Variants in TBC1D10B observed in about 807,000 individuals in gnomAD.
The protein encoded by TBC1D10B is Rab27A-GAPbeta.
TBC1D10B carries 25 observed loss-of-function variants against 78.4 expected under a neutral mutation model. That is an observed-to-expected ratio of 0.32 (90% confidence interval 0.23 to 0.45). TBC1D10B has a LOEUF of 0.45. TBC1D10B is among the 20% of genes least tolerant of loss of function. The pLI is 1.00. For synonymous variants in TBC1D10B, 517 were observed against 478.0 expected (o/e 1.08, Z -1.06); for missense variants, 996 against 1,104.8 (o/e 0.90, Z 1.40).
At position 30,370,437 on chromosome 16, in the gene TBC1D10B, G is replaced by A. The variant is rs975331637; in HGVS notation, c.-254C>T. On this transcript the variant is annotated 5_prime_UTR_variant, in exon 1 of 9. Transcript: ENST00000409939. ...CGCCCCCTCCCTCCTGCTTGGGGGC[G>A]AGCCGCCGACCTCGCGCCTGCGCAC... Among the ~76,000 whole-genome samples, 7 of 151,974 alleles carry A rather than the reference G, an allele frequency of 4.6e-5. No homozygotes were observed. The highest frequency in any genetic ancestry group is 2.0e-4 in the Admixed American group (3 of 15,268).
intron 1 of TBC1D10B, chr16:30,366,129 C>T (rs2049633460): frequency 6.5e-6 from 1 of 153,860 alleles, no homozygotes; most frequent in Non-Finnish European, 1.4e-5. Context: ...GAAGCAGAGG[C>T]AAGAGGATCA....
intron 4 of TBC1D10B, among the ~76,000 whole-genome samples, chr16:30,362,835 G>C (rs2049607870): frequency 6.6e-6 from 1 of 152,040 alleles, no homozygotes; most frequent in South Asian, 2.1e-4. Flanking sequence ...TCAGGAGTTC[G>C]AGACCAGCCT....
Position 30,358,512 on chromosome 16 carries a change from T to G in TBC1D10B, c.1859A>C (p.Lys620Thr). The G allele has an allele frequency of 6.2e-7, 1 of 1,610,802 alleles. No homozygotes were observed. Among genetic ancestry groups the G allele is most frequent in the South Asian group, 1.1e-5 (1 of 90,562 alleles). The change falls in exon 9 of 9, where the codon AAG becomes ACG. Residue 620 changes from lysine to threonine, a missense_variant. Around this residue, in one of 5 missense-constraint regions of TBC1D10B, gnomAD observed 168 missense variants for 238.7 expected, o/e 0.70. Coordinates refer to ENST00000409939, the MANE Select transcript of TBC1D10B (RefSeq NM_015527.4). ...CAGCTCCCCCCGCGTTTCCCGCCAC[T>G]TCTTGAGCTGGGCTGCATTCTCCCG... is the stretch of plus-strand genomic sequence containing the variant. ...IERENAAQLK[K>T]WRETRGELQY...
Position 30,370,485 on chromosome 16 carries a change from C to T in TBC1D10B, c.-302G>A, listed in dbSNP as rs1206811774. ...CACACGCCGCAGAGCCGGCTCCGCG[C>T]CAGCGTCTCGGCGTTCCACGCCTGC... On this transcript the variant is annotated 5_prime_UTR_variant, in exon 1 of 9. Coordinates refer to ENST00000409939, the MANE Select transcript of TBC1D10B (RefSeq NM_015527.4). Among the ~76,000 whole-genome samples, 1 of 152,106 alleles carries T rather than the reference C, an allele frequency of 6.6e-6. No individual in the cohort carries two copies. The highest frequency in any genetic ancestry group is 6.5e-5 in the Admixed American group (1 of 15,278).
chr16:30,359,633 T>A, intron 5 of TBC1D10B, 30 bp from the exon 6 acceptor site: 1 of 1,556,620 alleles, frequency 6.4e-7, no homozygotes, highest in Non-Finnish European at 8.7e-7. Flanking sequence ...GGAGGAGGGG[T>A]GGGGCCTGAG....
In TBC1D10B at chr16:30,369,905, G is replaced by A; in HGVS notation, c.279C>T (p.Thr93=). The change falls in exon 1 of 9, where the codon ACC becomes ACT. Residue 93 remains threonine (T), a synonymous_variant. Coordinates refer to ENST00000409939, the MANE Select transcript of TBC1D10B (RefSeq NM_015527.4). This position sits in a 1 kb window ranked among gnomAD's most constrained non-coding sequence, Gnocchi z 4.3. ...AVTGSTVVVL[T]LEASPEAPKP... is the part of the protein sequence containing the mutation. ...TTGGGGCTTCGGGCGAGGCCTCCAGGGTCAGCACCACCACCGTGCTGCCCG... is the reference window on the plus strand; with the variant it reads ...TTGGGGCTTCGGGCGAGGCCTCCAGAGTCAGCACCACCACCGTGCTGCCCG... 1 of 1,381,958 alleles carries A rather than the reference G, an allele frequency of 7.2e-7. No individual in the cohort carries two copies. Among genetic ancestry groups the A allele is most frequent in the Non-Finnish European group, 9.3e-7 (1 of 1,071,518 alleles). 85.6% of individuals were successfully genotyped at this position (1,381,958 alleles called of 1,614,324 possible). A position where few individuals can be genotyped will look rare whatever the true frequency, so the allele number is the denominator to read the frequency against.
chr16:30,365,779 G>C lies in TBC1D10B; in HGVS notation c.957-185C>G, dbSNP rs930751021. On this transcript the variant is annotated intron_variant, in intron 1 of 8. Transcript: ENST00000409939. The surrounding 1 kb of genome is among the most constrained non-coding windows in gnomAD (Gnocchi z 5.0). ...GCACACTGAAAGGGCTTCCTTCCCT[G>C]ATGGATCTCTATTCAGAGGTCATAT... 14 of 592,424 alleles carry C rather than the reference G, an allele frequency of 2.4e-5. No homozygotes were observed. In the Admixed American group the frequency reaches 3.4e-4, roughly 14 times the overall value. 36.7% of individuals were successfully genotyped at this position (592,424 alleles called of 1,614,324 possible).
rs374707659 is a variant in TBC1D10B at position 30,358,471 on chromosome 16, G to C, written c.1900C>G (p.Arg634Gly). 1 of 1,595,558 alleles carries C rather than the reference G, an allele frequency of 6.3e-7. No homozygotes were observed. The highest frequency in any genetic ancestry group is 8.5e-7 in the Non-Finnish European group (1 of 1,171,444). Residue 634 changes from arginine (R) to glycine (G), a missense_variant, in exon 9 of 9, where the codon CGG becomes GGG. Coordinates refer to ENST00000409939, the MANE Select transcript of TBC1D10B (RefSeq NM_015527.4). The part of the protein sequence containing the change: ...TRGELQYRPS[R>G]RLHGSRAIHE... ...ATGGCCCGGGACCCATGCAGTCGCC[G>C]TGAGGGCCGATACTGCAGCTCCCCC...
chr16:30,364,388 C>T (rs1361459263), intron 4 of TBC1D10B, among the ~76,000 whole-genome samples: 2 of 151,926 alleles, frequency 1.3e-5, no homozygotes, highest in Non-Finnish European at 2.9e-5. Flanking sequence ...TTGCAGTGGG[C>T]TGAGATCACA....
rs949886277 is a variant in TBC1D10B, at chr16:30,365,710, G to A, written c.957-116C>T. On this transcript the variant is annotated intron_variant, in intron 1 of 8. Transcript: ENST00000409939. The surrounding 1 kb of genome is among the most constrained non-coding windows in gnomAD (Gnocchi z 5.0). ...TCAAACGAGAAACTGGATAGTCTGT[G>A]AGCTGCCAAACATCAGGATGTCTGG... The A allele has an allele frequency of 5.1e-6, 5 of 973,432 alleles. No individual in the cohort carries two copies. The African/African-American group carries it at 6.4e-5, about 12-fold the overall frequency. 60.3% of individuals were successfully genotyped at this position (973,432 alleles called of 1,614,324 possible). A position where few individuals can be genotyped will look rare whatever the true frequency, so the allele number is the denominator to read the frequency against.
chr16:30,362,898 A>T (rs2151101673), intron 4 of TBC1D10B, among the ~76,000 whole-genome samples: 1 of 152,270 alleles, frequency 6.6e-6, no homozygotes, highest in Middle Eastern at 3.4e-3. Flanking sequence ...TTAGCTAGGC[A>T]TGGTGGCGGG....
Position 30,365,831 on chromosome 16 carries a change from A to C in TBC1D10B, c.957-237T>G. On this transcript the variant is annotated intron_variant, in intron 1 of 8. Transcript: ENST00000409939. This position sits in a 1 kb window ranked among gnomAD's most constrained non-coding sequence, Gnocchi z 5.0. Reference sequence around the variant, plus strand: ...TAAATCTCACTTCTGACACATCCAAATCTGGGGAGAGAGTATGGAGTATTT... The same window carrying C: ...TAAATCTCACTTCTGACACATCCAACTCTGGGGAGAGAGTATGGAGTATTT... 2 of 501,870 alleles carry C rather than the reference A, an allele frequency of 4.0e-6. No individual in the cohort carries two copies. Among genetic ancestry groups the C allele is most frequent in the Admixed American group, 3.2e-5 (1 of 30,840 alleles). 31.1% of individuals were successfully genotyped at this position (501,870 alleles called of 1,614,324 possible). A position where few individuals can be genotyped will look rare whatever the true frequency, so the allele number is the denominator to read the frequency against.
At position 30,358,135 on chromosome 16, in the gene TBC1D10B, G is replaced by A. The variant is rs2049568551; in HGVS notation, c.2236C>T (p.Arg746Trp). 7.1e-6 allele frequency: 11 copies of A among 1,550,562 alleles called. No homozygotes were observed. The highest frequency in any genetic ancestry group is 1.2e-5 in the South Asian group (1 of 83,882). Residue 746 changes from arginine (R) to tryptophan (W), a missense_variant, in exon 9 of 9, where the codon CGG becomes TGG. Transcript: ENST00000409939. ...TCTCGCTCTTTCTCCTGCTTCTGCC[G>A]CTCCTTCTCCCGCTCCTTCTCCTGT... ...QKQEKEREKE[R>W]QKQEKEREKQ... is the part of the protein sequence containing the mutation.
In TBC1D10B at chr16:30,365,364, TC is replaced by T; in HGVS notation, c.1056+130del. The T allele has an allele frequency of 7.7e-7, 1 of 1,290,380 alleles. No homozygotes were observed. The highest frequency in any genetic ancestry group is 1.1e-6 in the Non-Finnish European group (1 of 899,662). The allele number at this position is 1,290,380 out of a possible 1,614,324, so 79.9% of individuals were successfully genotyped here. On this transcript the variant is annotated intron_variant, in intron 2 of 8. Transcript: ENST00000409939. This position sits in a 1 kb window ranked among gnomAD's most constrained non-coding sequence, Gnocchi z 5.0. Reference sequence around the variant, plus strand: ...CCTGGACTTCTATTTTTAAAGCCATTCCCCCGCCAGGGCCCATCTATCCCCA... The same window carrying T: ...CCTGGACTTCTATTTTTAAAGCCATTCCCCGCCAGGGCCCATCTATCCCCA...
At position 30,358,814 on chromosome 16, in the gene TBC1D10B, A is replaced by G. The variant is rs1341731971; in HGVS notation, c.1646T>C (p.Val549Ala). Residue 549 changes from valine (V) to alanine (A), a missense_variant, in exon 8 of 9, where the codon GTT (valine) becomes GCT (alanine). Around this residue, in one of 5 missense-constraint regions of TBC1D10B, gnomAD observed 168 missense variants for 238.7 expected, o/e 0.70. Transcript: ENST00000409939. Reference protein sequence around the residue: ...RVWDMFFCEGVKIIFRVALVL... With the variant: ...RVWDMFFCEGAKIIFRVALVL... Reference sequence around the variant, plus strand: ...CAGGGCCACCCGGAAGATGATCTTAACGCCTGCAGGGGTGGAGAGTAGAGA... The same window carrying G: ...CAGGGCCACCCGGAAGATGATCTTAGCGCCTGCAGGGGTGGAGAGTAGAGA... 6.2e-7 allele frequency: 1 copy of G among 1,606,352 alleles called. No homozygotes were observed. Among genetic ancestry groups the G allele is most frequent in the Admixed American group, 1.7e-5 (1 of 59,072 alleles).
At position 30,365,189 on chromosome 16, in the gene TBC1D10B, C is replaced by A. The variant is rs1447827846; in HGVS notation, c.1080G>T (p.Gly360=). The change falls in exon 3 of 9, where the codon GGG becomes GGT. Residue 360 remains glycine, a synonymous_variant. Coordinates refer to ENST00000409939, the MANE Select transcript of TBC1D10B (RefSeq NM_015527.4). This position sits in a 1 kb window ranked among gnomAD's most constrained non-coding sequence, Gnocchi z 5.0. ...FQKVKLRCRK[G]IPSSLRAKAW... ...CTTTGGCTCTGAGAGAGGAGGGGAT[C>A]CCCTTCCGGCAGCGCAGCTTCACCT... The A allele has an allele frequency of 6.2e-7, 1 of 1,613,928 alleles. No homozygotes were observed. The highest frequency in any genetic ancestry group is 1.7e-5 in the Admixed American group (1 of 60,020).
intron 4 of TBC1D10B, among the ~76,000 whole-genome samples, chr16:30,362,151 T>C (rs1226063705): frequency 6.6e-6 from 1 of 151,046 alleles, no homozygotes. Flanking sequence ...GCCTGGCCTT[T>C]TAAAAATATT....
chr16:30,359,704 C>T (rs375157936), intron 5 of TBC1D10B, 23 bp downstream of exon 5: 16 of 1,558,572 alleles, frequency 1.0e-5, no homozygotes, highest in African/African-American at 5.4e-5. Flanking sequence ...CTGCCCCTCC[C>T]GGCCCAGGAC....
intron 1 of TBC1D10B, among the ~76,000 whole-genome samples, chr16:30,368,300 G>A (rs2151103183): frequency 6.6e-6 from 1 of 152,302 alleles, no homozygotes; most frequent in East Asian, 1.9e-4. Flanking sequence ...CCTGCTCTAG[G>A]TGCCTCAGGA....
Sources: gnomAD v4.1 joint callset for allele counts (sites outside exome capture counted in the v4.1 genomes callset) on GRCh38, gnomAD v4.1.1 for gene constraint, gnomAD v4.1.1 regional missense constraint, Gnocchi (gnomAD v3.1) non-coding constraint, MANE v1.5 for transcripts, NCBI Gene and HGNC (gene_info 2026-07-23, HGNC 2026-07-21) for gene names.